The following RNF123 variants were observed in gnomAD, a reference collection of about 807,000 sequenced individuals.
RNF123 encodes ring finger protein 123, also known as E3 ubiquitin-protein ligase RNF123.
RNF123 carries 86 observed loss-of-function variants against 168.5 expected under a neutral mutation model. That is an observed-to-expected ratio of 0.51 (90% CI 0.43 to 0.61). The LOEUF (loss-of-function observed/expected upper bound fraction) is 0.61, where lower values mean the gene tolerates loss of function less well. Among genes scored for constraint, RNF123 ranks in the 20% least tolerant of loss-of-function variants. The pLI is 0.00. For synonymous variants in RNF123, 666 were observed against 689.1 expected, an observed-to-expected ratio of 0.97 and a Z score of 0.52; for missense variants, 1,419 against 1,729.7, an observed-to-expected ratio of 0.82 and a Z score of 3.19.
chr3:49,708,656 C>G (rs2080080350), intron 26 of RNF123, among the ~76,000 whole-genome samples: 1 of 152,244 alleles, frequency 6.6e-6, no homozygotes, highest in South Asian at 2.1e-4. Flanking sequence ...GAATCATACA[C>G]TATTTGTTCT....
chr3:49,720,766 T>C, intron 36 of RNF123, 34 bp from the exon 37 acceptor site: 1 of 1,613,360 alleles, frequency 6.2e-7, no homozygotes, highest in Non-Finnish European at 8.5e-7. Context: ...CATCCTCAGC[T>C]ACCTCTGACT....
In RNF123 at chr3:49,720,506, C is replaced by T. The variant is rs367894114; in HGVS notation, c.3501-5C>T. On this transcript the variant is annotated splice_polypyrimidine_tract_variant and splice_region_variant and intron_variant, in intron 35 of 38. Coordinates refer to ENST00000327697, the MANE Select transcript of RNF123 (RefSeq NM_022064.5). ...CTGACTGCCCTTGCACCCTCCCCTA[C>T]CTAGGAGAGAGCAAGCCACATCAGT... 1 of 1,571,930 alleles carries T rather than the reference C, an allele frequency of 6.4e-7. No homozygotes were observed. Among genetic ancestry groups the T allele is most frequent in the African/African-American group, 1.4e-5 (1 of 73,916 alleles).
In RNF123 at chr3:49,701,872, A is replaced by G. The variant is rs1228561190; in HGVS notation, c.1457A>G (p.Tyr486Cys). ...TAEERLRRRA[Y>C]ERGCQRLRKR... ...GAGGAGCGGCTGCGGCGGCGAGCCT[A>G]CGAACGGGGCTGTCAGCGGCTCAGG... Residue 486 changes from tyrosine to cysteine, a missense_variant, in exon 17 of 39, where the codon TAC (tyrosine) becomes TGC (cysteine). Physicochemically the swap from Tyr to Cys is radical, Grantham distance 194. Coordinates refer to ENST00000327697, the MANE Select transcript of RNF123 (RefSeq NM_022064.5). 1 of 1,567,738 alleles carries G rather than the reference A, an allele frequency of 6.4e-7. No individual in the cohort carries two copies. The highest frequency in any genetic ancestry group is 8.6e-7 in the Non-Finnish European group (1 of 1,156,528).
chr3:49,719,660 T>C (rs2080345617), intron 35 of RNF123: 1 of 573,214 alleles, frequency 1.7e-6, no homozygotes, highest in Non-Finnish European at 3.1e-6. Context: ...TTAGCCGCGC[T>C]CCCTTCGGCT....
rs61745258 is a variant in RNF123, at chr3:49,702,671, C to T, written c.1668C>T (p.Cys556=). 1,977 of 1,614,240 alleles carry T rather than the reference C, an allele frequency of 1.2e-3. 29 individuals carry two copies. The African/African-American group carries it at 0.023, about 19-fold the overall frequency. ...TCTGCCCCCCTGAGTACATGGTCTG[C>T]TTCTTACACCGGCTGATCTCTGCCC... ...PMLCPPEYMV[C]FLHRLISALR... is the part of the protein sequence containing the mutation. Residue 556 remains cysteine, a synonymous_variant, in exon 20 of 39, where the codon TGC becomes TGT. Coordinates refer to ENST00000327697, the MANE Select transcript of RNF123 (RefSeq NM_022064.5).
Position 49,716,430 on chromosome 3 carries a change from A to G in RNF123, c.3453A>G (p.Ala1151=). Residue 1151 remains alanine, a synonymous_variant, in exon 35 of 39, where the codon GCA becomes GCG. Coordinates refer to ENST00000327697, the MANE Select transcript of RNF123 (RefSeq NM_022064.5). ...TGGACCACTATCCCATTCTGGTGGCAGTGACGGGCATCCTGGTGCAGCTCC... is the reference window on the plus strand; with the variant it reads ...TGGACCACTATCCCATTCTGGTGGCGGTGACGGGCATCCTGGTGCAGCTCC... ...ESVDHYPILV[A]VTGILVQLLV... is the part of the protein sequence containing the mutation. The G allele has an allele frequency of 6.2e-7, 1 of 1,614,100 alleles. No homozygotes were observed. The highest frequency in any genetic ancestry group is 8.5e-7 in the Non-Finnish European group (1 of 1,180,018).
Position 49,715,969 on chromosome 3 carries a change from A to T in RNF123, c.3298A>T (p.Thr1100Ser), listed in dbSNP as rs760067890. The change falls in exon 33 of 39, where the codon ACC becomes TCC. Residue 1100 changes from threonine (T) to serine (S), a missense_variant. Thr to Ser is a moderately conservative substitution (Grantham distance 58, BLOSUM62 1). Around this residue, in one of 5 missense-constraint regions of RNF123, gnomAD observed 538 missense variants for 708.8 expected, o/e 0.76. Transcript: ENST00000327697. ...GGTGCCTGAGATATTCCTTGACTGG[A>T]CCCGGCCTACCTCTGAGATGCTGCT... ...TLVPEIFLDWTRPTSEMLLRR... is the reference protein window; with the variant it reads ...TLVPEIFLDWSRPTSEMLLRR... The T allele has an allele frequency of 6.2e-7, 1 of 1,613,888 alleles. No homozygotes were observed. The highest frequency in any genetic ancestry group is 1.1e-5 in the South Asian group (1 of 91,076).
intron 34 of RNF123, 75 bp from the exon 35 acceptor site, chr3:49,716,318 G>A (rs949972246): frequency 6.4e-7 from 1 of 1,553,892 alleles, no homozygotes; most frequent in African/African-American, 1.4e-5. Context: ...TCTGTAGAGA[G>A]GGCAGTGGGC....
intron 31 of RNF123, 73 bp downstream of exon 31, chr3:49,714,247 A>AG (rs1167776798): frequency 1.5e-6 from 2 of 1,348,494 alleles, no homozygotes; most frequent in African/African-American, 2.9e-5. Flanking sequence ...GGGTTCTTTC[A>AG]GACTCTCCAC....
chr3:49,704,566 T>C, intron 21 of RNF123, 84 bp from the exon 22 acceptor site: 1 of 1,185,202 alleles, frequency 8.4e-7, no homozygotes, highest in Non-Finnish European at 1.2e-6. Context: ...CCCAGTGTGC[T>C]GGGCTCTCTC....
At chr3:49,701,707 C>T (rs1453166504) in intron 16 of RNF123, 99 bp downstream of exon 16, 1 of 1,463,592 alleles carries the variant, frequency 6.8e-7, no homozygotes, top group Non-Finnish European at 9.5e-7. Flanking sequence ...TTCACTGGCC[C>T]TGGTCCCTGA....
chr3:49,718,679 A>C, intron 35 of RNF123: 5 of 1,613,024 alleles, frequency 3.1e-6, no homozygotes, highest in Non-Finnish European at 4.2e-6. Flanking sequence ...TGCTGGAAGA[A>C]GCGCACGCGG....
At chr3:49,691,330 G>C in intron 2 of RNF123, 83 bp downstream of exon 2, 6 of 1,585,888 alleles carry the variant, frequency 3.8e-6, no homozygotes, top group Non-Finnish European at 3.5e-6. Flanking sequence ...TGCTGCACCT[G>C]TGGCTGGCCT....
intron 31 of RNF123, 159 bp from the exon 32 acceptor site, chr3:49,715,416 A>T: frequency 1.2e-6 from 1 of 841,910 alleles, no homozygotes; most frequent in Admixed American, 2.7e-5. Context: ...ACTAACTCCA[A>T]GGCAGCTGTC....
In RNF123 at chr3:49,713,683, G is replaced by A. The variant is rs2080186370; in HGVS notation, c.2750-55G>A. The A allele has an allele frequency of 3.2e-6, 5 of 1,571,788 alleles. No individual in the cohort carries two copies. In the South Asian group the frequency reaches 5.8e-5, roughly 18 times the overall value. The stretch of plus-strand genomic sequence containing the variant: ...AAAAATGTGGCCAGGTGGGCATGAA[G>A]TATGGGTCCAGGGCTCATGCCAAGC... On this transcript the variant is annotated intron_variant, in intron 28 of 38. Transcript: ENST00000327697.
At chr3:49,714,433 G>A (rs1379787110) in intron 31 of RNF123, among the ~76,000 whole-genome samples, 4 of 152,208 alleles carry the variant, frequency 2.6e-5, no homozygotes, top group Non-Finnish European at 4.4e-5. Context: ...TGCTCTATGT[G>A]GGTCATGGTG....
Position 49,699,738 on chromosome 3 carries a change from T to A in RNF123, c.950T>A (p.Leu317Gln), listed in dbSNP as rs2054339593. ...LRGQPTVLLT[L>Q]AHIFHHFAPL... ...GGCCAGCCCACCGTCCTCCTCACACTGGCCCACATCTTCCATCACTTTGCA... is the reference window on the plus strand; with the variant it reads ...GGCCAGCCCACCGTCCTCCTCACACAGGCCCACATCTTCCATCACTTTGCA... The change falls in exon 12 of 39, where the codon CTG becomes CAG. Residue 317 changes from leucine (L) to glutamine (Q), a missense_variant. By Grantham distance (113) the Leu-to-Gln change is moderately radical. This residue lies in a region of RNF123 where 318 missense variants were observed against 446.6 expected (regional missense o/e 0.71). Coordinates refer to ENST00000327697, the MANE Select transcript of RNF123 (RefSeq NM_022064.5). The surrounding 1 kb of genome is among the most constrained non-coding windows in gnomAD (Gnocchi z 4.8). 6.2e-7 allele frequency: 1 copy of A among 1,613,496 alleles called. No homozygotes were observed. Among genetic ancestry groups the A allele is most frequent in the African/African-American group, 1.3e-5 (1 of 74,902 alleles).
chr3:49,705,152 C>T lies in RNF123; in HGVS notation c.2128C>T (p.Leu710=), dbSNP rs376062454. Residue 710 remains leucine, a synonymous_variant, in exon 23 of 39, where the codon CTG becomes TTG. Coordinates refer to ENST00000327697, the MANE Select transcript of RNF123 (RefSeq NM_022064.5). Reference sequence around the variant, plus strand: ...CTCGGAGAAAGTGAAGGTCCGCACGCTGAGCGTGGAGCAGAGGACCCGTGA... The same window carrying T: ...CTCGGAGAAAGTGAAGGTCCGCACGTTGAGCGTGGAGCAGAGGACCCGTGA... The part of the protein sequence containing the change: ...STSEKVKVRT[L]SVEQRTREDI... 1 of 1,607,108 alleles carries T rather than the reference C, an allele frequency of 6.2e-7. No homozygotes were observed. The highest frequency in any genetic ancestry group is 1.3e-5 in the African/African-American group (1 of 74,810).
At chr3:49,710,791 C>T (rs1313071963) in intron 26 of RNF123, among the ~76,000 whole-genome samples, 2 of 152,174 alleles carry the variant, frequency 1.3e-5, no homozygotes, top group East Asian at 3.8e-4. Flanking sequence ...GAGAAAGTGG[C>T]ACACTTGTCT....
Sources: allele counts gnomAD v4.1 joint callset (sites outside exome capture counted in the v4.1 genomes callset), GRCh38; gene constraint gnomAD v4.1.1; regional missense constraint gnomAD v4.1.1; non-coding constraint Gnocchi (gnomAD v3.1); transcripts MANE v1.5; gene names NCBI Gene and HGNC (gene_info 2026-07-23, HGNC 2026-07-21).